The following ELP1 variants were observed in gnomAD, a reference collection of about 807,000 sequenced individuals.
The protein encoded by ELP1 is elongator complex protein 1.
A neutral mutation model predicts 183.2 loss-of-function variants in ELP1; 131 were observed. The ratio of observed to expected loss-of-function variants is 0.72; its 90% CI spans 0.62 to 0.83. The LOEUF (loss-of-function observed/expected upper bound fraction) is 0.83. ELP1 is among the 40% of genes least tolerant of loss of function. The probability of loss-of-function intolerance (pLI) is 0.00; values close to 1 mark genes in which losing one functional copy is unlikely to be tolerated. For missense variants in ELP1, 1,550 were observed against 1,594.9 expected (o/e 0.97, Z 0.48); for synonymous variants, 555 against 569.0 (o/e 0.98, Z 0.35).
At chr9:108,891,096 A>C (rs1828313137) in intron 28 of ELP1, 107 bp downstream of exon 28, 1 of 1,051,624 alleles carries the variant, frequency 9.5e-7, no homozygotes, top group African/African-American at 1.6e-5. Context: ...TGAGAACAAG[A>C]CTGTCTCAGA....
At chr9:108,895,331 A>G (rs1269535394) in intron 25 of ELP1, among the ~76,000 whole-genome samples, 1 of 152,214 alleles carries the variant, frequency 6.6e-6, no homozygotes, top group Admixed American at 6.5e-5. Flanking sequence ...CACCTCACCC[A>G]GTCCCTGGAG....
chr9:108,889,604 C>T, intron 28 of ELP1: 2 of 611,204 alleles, frequency 3.3e-6, no homozygotes, highest in Non-Finnish European at 5.9e-6. Flanking sequence ...CCAAAATTAG[C>T]CTTGAAAGAT....
At chr9:108,905,039 C>T (rs17792434) in intron 14 of ELP1, among the ~76,000 whole-genome samples, 33,433 of 152,020 alleles carry the variant, frequency 0.22, 4,507 homozygotes, top group East Asian at 0.3. Context: ...TAAATTGCTC[C>T]GCTTTTCAAA....
intron 13 of ELP1, among the ~76,000 whole-genome samples, chr9:108,906,994 C>T (rs780732912): frequency 6.6e-6 from 1 of 152,138 alleles, no homozygotes; most frequent in Admixed American, 6.6e-5. Context: ...ACGTAGGAAC[C>T]GACAATGGCT....
intron 36 of ELP1, among the ~76,000 whole-genome samples, chr9:108,871,109 T>C (rs149094134): frequency 6.6e-6 from 1 of 152,066 alleles, no homozygotes; most frequent in Non-Finnish European, 1.5e-5. Flanking sequence ...CTGGGCTTGA[T>C]GGCTTTCACA....
At chr9:108,882,769 A>C (rs1827982477) in intron 29 of ELP1, among the ~76,000 whole-genome samples, 1 of 151,862 alleles carries the variant, frequency 6.6e-6, no homozygotes, top group Non-Finnish European at 1.5e-5. Flanking sequence ...TAATTAAAAA[A>C]ATGTTTTTAG....
At chr9:108,913,659 T>G (rs1829317969) in intron 10 of ELP1, among the ~76,000 whole-genome samples, 1 of 152,046 alleles carries the variant, frequency 6.6e-6, no homozygotes, top group South Asian at 2.1e-4. Context: ...TATATATACA[T>G]GTTTTTGAGA....
In ELP1 at chr9:108,896,513, C is replaced by T. The variant is rs1218321803; in HGVS notation, c.2719G>A (p.Ala907Thr). 6.2e-7 allele frequency: 1 copy of T among 1,614,144 alleles called. No homozygotes were observed. The highest frequency in any genetic ancestry group is 8.5e-7 in the Non-Finnish European group (1 of 1,179,992). ...TYDFDLVLMV[A>T]EKSQKDPKEY... ...CCACATACCTTCTGTGACTTCTCAGCTACCATGAGGACCAAATCAAAGTCA... is the reference window on the plus strand; with the variant it reads ...CCACATACCTTCTGTGACTTCTCAGTTACCATGAGGACCAAATCAAAGTCA... Residue 907 changes from alanine to threonine, a missense_variant, in exon 25 of 37, where the codon GCT (alanine) becomes ACT (threonine). Transcript: ENST00000374647.
chr9:108,918,788 C>G (rs370565670), intron 8 of ELP1, 23 bp downstream of exon 8: 2 of 1,569,442 alleles, frequency 1.3e-6, no homozygotes, highest in African/African-American at 2.7e-5. Flanking sequence ...AAGAATTTCT[C>G]TAAGGTTTCT....
At chr9:108,888,977 A>C (rs1259515686) in intron 29 of ELP1, among the ~76,000 whole-genome samples, 3 of 152,236 alleles carry the variant, frequency 2.0e-5, no homozygotes, top group African/African-American at 7.2e-5. Flanking sequence ...GTAAAAGCCA[A>C]GAGTATGTAG....
chr9:108,928,151 T>C (rs1829878699), intron 3 of ELP1, among the ~76,000 whole-genome samples: 1 of 152,206 alleles, frequency 6.6e-6, no homozygotes, highest in Non-Finnish European at 1.5e-5. Context: ...CCCATAAATA[T>C]ATGTACCTAC....
intron 10 of ELP1, 34 bp from the exon 11 acceptor site, chr9:108,912,528 G>A: frequency 6.6e-7 from 1 of 1,512,418 alleles, no homozygotes; most frequent in African/African-American, 1.4e-5. Context: ...GCCGTTAGAG[G>A]CTGGGAAGCA....
Position 108,874,879 on chromosome 9 carries a change from G to A in ELP1, c.3931+16C>T, listed in dbSNP as rs764363951. The stretch of plus-strand genomic sequence containing the variant: ...TCTGCTTAGTATTGTAATATTAAAT[G>A]AGAAAAAATACTAACCAAGAACAGG... On this transcript the variant is annotated intron_variant, in intron 36 of 36. Transcript: ENST00000374647. The A allele has an allele frequency of 5.2e-6, 8 of 1,531,148 alleles. No homozygotes were observed. The African/African-American group carries it at 6.8e-5, about 13-fold the overall frequency. 94.8% of individuals were successfully genotyped at this position (1,531,148 alleles called of 1,614,324 possible). A position where few individuals can be genotyped will look rare whatever the true frequency, so the allele number is the denominator to read the frequency against.
intron 7 of ELP1, 113 bp from the exon 8 acceptor site, chr9:108,919,014 C>T (rs1009581031): frequency 4.6e-5 from 40 of 862,894 alleles, no homozygotes; most frequent in Admixed American, 4.3e-4. Flanking sequence ...CATGGTTTTA[C>T]ATAGCCAATT....
At chr9:108,917,768 T>A in intron 8 of ELP1, 98 bp from the exon 9 acceptor site, 1 of 1,227,592 alleles carries the variant, frequency 8.1e-7, no homozygotes, top group Non-Finnish European at 1.2e-6. Flanking sequence ...CATGAATGAA[T>A]GAATGAACGA....
rs748458910 is a variant in ELP1 at position 108,912,414 on chromosome 9, C to A, written c.1039G>T (p.Val347Leu). Reference sequence around the variant, plus strand: ...GTCACAGGGTCCCACATCAGAGACACAATCTTGCTCTTCCCACAGGTGCTG... The same window carrying A: ...GTCACAGGGTCCCACATCAGAGACAAAATCTTGCTCTTCCCACAGGTGCTG... ...SFSTCGKSKIVSLMWDPVTPY... is the reference protein window; with the variant it reads ...SFSTCGKSKILSLMWDPVTPY... Residue 347 changes from valine to leucine, a missense_variant, in exon 11 of 37, where the codon GTG (valine) becomes TTG (leucine). Transcript: ENST00000374647. The A allele has an allele frequency of 5.6e-5, 91 of 1,613,922 alleles. No individual in the cohort carries two copies. In the Admixed American group the frequency reaches 1.5e-3, roughly 26 times the overall value.
At chr9:108,898,875 C>T (rs553999707) in intron 20 of ELP1, 126 bp from the exon 21 acceptor site, 7 of 683,408 alleles carry the variant, frequency 1.0e-5, no homozygotes, top group Non-Finnish European at 1.8e-5. Context: ...AAGCTGCTAT[C>T]ACTGGATTTC....
At chr9:108,881,578 G>A in intron 31 of ELP1, 127 bp downstream of exon 31, 2 of 671,092 alleles carry the variant, frequency 3.0e-6, no homozygotes, top group Non-Finnish European at 2.7e-6. Context: ...TTATATCCAG[G>A]TGGTAATTTT....
At chr9:108,902,982 G>T in intron 15 of ELP1, 40 bp from the exon 16 acceptor site, 3 of 1,475,262 alleles carry the variant, frequency 2.0e-6, no homozygotes, top group Non-Finnish European at 1.9e-6. Flanking sequence ...TAGCTGATGC[G>T]CTCTTTGCAA....
Sources: gnomAD v4.1 joint callset for allele counts (sites outside exome capture counted in the v4.1 genomes callset) on GRCh38, gnomAD v4.1.1 for gene constraint, MANE v1.5 for transcripts, NCBI Gene and HGNC (gene_info 2026-07-23, HGNC 2026-07-21) for gene names.